The following PRKCA variants were observed in gnomAD, a reference collection of about 807,000 sequenced individuals.
PRKCA encodes the protein protein kinase C alpha type.
A neutral mutation model predicts 87.0 loss-of-function variants in PRKCA; 27 were observed. The ratio of observed to expected loss-of-function variants is 0.31; its 90% CI spans 0.23 to 0.43. The LOEUF is 0.43. Ranked by LOEUF, PRKCA falls within the 20% of genes least tolerant of loss-of-function variation. PRKCA has a pLI of 1.00. For synonymous variants in PRKCA, 329 were observed against 311.1 expected, an observed-to-expected ratio of 1.06 and a Z score of -0.61; for missense variants, 518 against 852.3, an observed-to-expected ratio of 0.61 and a Z score of 4.88.
chr17:66,787,679 G>A (rs1975435737), intron 15 of PRKCA, among the ~76,000 whole-genome samples: 1 of 152,022 alleles, frequency 6.6e-6, no homozygotes, highest in Non-Finnish European at 1.5e-5. Flanking sequence ...CCACCACCCT[G>A]GAAGCCCTCT....
intron 2 of PRKCA, among the ~76,000 whole-genome samples, chr17:66,385,563 T>C (rs1488904041): frequency 1.3e-5 from 2 of 152,132 alleles, no homozygotes; most frequent in Non-Finnish European, 2.9e-5. Context: ...AAAAACTCTT[T>C]TAAAAATTAA....
At chr17:66,309,857 T>C (rs1315822723) in intron 2 of PRKCA, among the ~76,000 whole-genome samples, 1 of 152,168 alleles carries the variant, frequency 6.6e-6, no homozygotes, top group East Asian at 1.9e-4. Flanking sequence ...GTATGGACAT[T>C]GATGAAGTTG....
At chr17:66,311,912 A>C (rs1261356634) in intron 2 of PRKCA, among the ~76,000 whole-genome samples, 2 of 152,200 alleles carry the variant, frequency 1.3e-5, no homozygotes, top group Non-Finnish European at 2.9e-5. Context: ...ATTTATCCTC[A>C]TAGGTCGTGA....
intron 2 of PRKCA, among the ~76,000 whole-genome samples, chr17:66,397,896 A>T (rs565925978): frequency 6.6e-6 from 1 of 152,290 alleles, no homozygotes; most frequent in East Asian, 1.9e-4. Flanking sequence ...GCTCCTCAGG[A>T]TAAGGCTCTG....
intron 10 of PRKCA, among the ~76,000 whole-genome samples, chr17:66,736,263 CA>C (rs1974023335): frequency 6.7e-6 from 1 of 149,712 alleles, no homozygotes; most frequent in Non-Finnish European, 1.5e-5. Flanking sequence ...AACAAACAAA[CA>C]AAAAAACTCA....
intron 2 of PRKCA, among the ~76,000 whole-genome samples, chr17:66,456,364 T>A (rs934616422): frequency 1.3e-5 from 2 of 152,232 alleles, no homozygotes; most frequent in African/African-American, 4.8e-5. Flanking sequence ...TATATACTGC[T>A]GCTCATTCTA....
chr17:66,579,272 A>G (rs1389504988), intron 3 of PRKCA, among the ~76,000 whole-genome samples: 1 of 152,180 alleles, frequency 6.6e-6, no homozygotes, highest in Non-Finnish European at 1.5e-5. Flanking sequence ...AAGGAAGCAG[A>G]CCAGGGTCAA....
At chr17:66,496,882 A>G (rs1440304819) in intron 3 of PRKCA, among the ~76,000 whole-genome samples, 1 of 151,952 alleles carries the variant, frequency 6.6e-6, no homozygotes, top group Non-Finnish European at 1.5e-5. Context: ...ACCTCAAGCA[A>G]TCCACTCGTC....
intron 8 of PRKCA, among the ~76,000 whole-genome samples, chr17:66,714,995 T>C (rs749832146): frequency 6.6e-6 from 1 of 152,216 alleles, no homozygotes; most frequent in Non-Finnish European, 1.5e-5. Flanking sequence ...TATGGAAATA[T>C]TGTGCTAAAT....
rs1971397086 is a variant in PRKCA at position 66,644,426 on chromosome 17, TA to T, written c.401-954del. Among the ~76,000 whole-genome samples, 3 of 152,154 alleles carry T rather than the reference TA, an allele frequency of 2.0e-5. No homozygotes were observed. The South Asian group carries it at 6.2e-4, about 32-fold the overall frequency. ...GTGGCCTTCCCTCCTTCTGGAAGCC[TA>T]AAGGTACAAGGGTGATCGAGCTGGA... On this transcript the variant is annotated intron_variant, in intron 4 of 16. Coordinates refer to ENST00000413366, the MANE Select transcript of PRKCA (RefSeq NM_002737.3).
At chr17:66,567,895 G>A (rs534085706) in intron 3 of PRKCA, among the ~76,000 whole-genome samples, 36 of 152,366 alleles carry the variant, frequency 2.4e-4, no homozygotes, top group African/African-American at 8.2e-4. Context: ...ATCTTCGTGA[G>A]CCAGTGGATG....
At chr17:66,497,615 TTGTC>T (rs1221849547) in intron 3 of PRKCA, among the ~76,000 whole-genome samples, 1 of 152,084 alleles carries the variant, frequency 6.6e-6, no homozygotes, top group African/African-American at 2.4e-5. Flanking sequence ...ATAAAAAAAA[TTGTC>T]AGGCAGGCTT....
chr17:66,724,921 A>C (rs892089091), intron 8 of PRKCA, among the ~76,000 whole-genome samples: 1 of 152,376 alleles, frequency 6.6e-6, no homozygotes, highest in East Asian at 1.9e-4. Flanking sequence ...CAAACAATAC[A>C]TTAAAAAGCT....
intron 2 of PRKCA, among the ~76,000 whole-genome samples, chr17:66,409,745 C>G (rs775597041): frequency 6.6e-6 from 1 of 152,126 alleles, no homozygotes; most frequent in Non-Finnish European, 1.5e-5. Flanking sequence ...CTGGTTAACA[C>G]GGTGAAACCC....
intron 2 of PRKCA, among the ~76,000 whole-genome samples, chr17:66,456,528 C>G (rs1162103441): frequency 1.3e-5 from 2 of 152,098 alleles, no homozygotes; most frequent in Non-Finnish European, 2.9e-5. Flanking sequence ...TGTTCTCAGC[C>G]GTGGGTTTGG....
At chr17:66,593,363 C>G (rs1969873660) in intron 3 of PRKCA, among the ~76,000 whole-genome samples, 1 of 152,130 alleles carries the variant, frequency 6.6e-6, no homozygotes, top group Non-Finnish European at 1.5e-5. Context: ...TGGATTGCTA[C>G]TGTGTGTGCA....
At chr17:66,641,556 C>T (rs540116592) in intron 4 of PRKCA, 90 bp downstream of exon 4, 2 of 792,524 alleles carry the variant, frequency 2.5e-6, no homozygotes, top group Non-Finnish European at 4.1e-6. Flanking sequence ...AACTTTTCAA[C>T]ACCAACTCTT....
chr17:66,342,152 G>T (rs561495192), intron 2 of PRKCA, among the ~76,000 whole-genome samples: 1 of 152,102 alleles, frequency 6.6e-6, no homozygotes, highest in Non-Finnish European at 1.5e-5. Context: ...GGCGGGGCGC[G>T]GTGGCTCATG....
chr17:66,351,956 C>G (rs1160024844), intron 2 of PRKCA, among the ~76,000 whole-genome samples: 1 of 152,176 alleles, frequency 6.6e-6, no homozygotes, highest in Non-Finnish European at 1.5e-5. Flanking sequence ...CTTCCCTGCT[C>G]TTAGGGTCTA....
Sources: allele counts gnomAD v4.1 joint callset (sites outside exome capture counted in the v4.1 genomes callset), GRCh38; gene constraint gnomAD v4.1.1; transcripts MANE v1.5; gene names NCBI Gene and HGNC (gene_info 2026-07-23, HGNC 2026-07-21).